MYRIP: variants seen among roughly 807,000 people sequenced by gnomAD.
MYRIP encodes myosin VIIA and Rab interacting protein.
MYRIP carries 49 observed loss-of-function variants against 98.0 expected under a neutral mutation model. The observed-to-expected ratio is 0.50, with a 90% confidence interval of 0.40 to 0.63. The LOEUF (loss-of-function observed/expected upper bound fraction) is 0.63. Ranked by LOEUF, MYRIP falls within the 30% of genes least tolerant of loss-of-function variation. The pLI, the probability that MYRIP is intolerant of heterozygous loss-of-function variation, is 0.00. For synonymous variants in MYRIP, 404 were observed against 409.5 expected, an observed-to-expected ratio of 0.99 and a Z score of 0.16; for missense variants, 1,004 against 1,058.2, an observed-to-expected ratio of 0.95 and a Z score of 0.71.
At position 40,190,396 on chromosome 3, in the gene MYRIP, G is replaced by T. The variant is rs976204879; in HGVS notation, c.1598G>T (p.Gly533Val). ...AGGAGGTGGAGAAGAGCCCGACTGG[G>T]CTCAGAAGAGCCAAGCAAAGAACCA... ...RARRWRRARL[G>V]SEEPSKEPSS... Residue 533 changes from glycine to valine, a missense_variant, in exon 10 of 17, where the codon GGC becomes GTC. Gly to Val is a moderately radical substitution (Grantham distance 109). Transcript: ENST00000302541. The T allele has an allele frequency of 3.7e-6, 6 of 1,613,178 alleles. No homozygotes were observed. The Admixed American group carries it at 5.0e-5, about 13-fold the overall frequency.
chr3:40,037,387 A>G (rs539390999), intron 2 of MYRIP, among the ~76,000 whole-genome samples: 2 of 152,056 alleles, frequency 1.3e-5, no homozygotes, highest in African/African-American at 4.8e-5. Flanking sequence ...TCTATTTAGG[A>G]ATAGAGGGAG....
intron 1 of MYRIP, among the ~76,000 whole-genome samples, chr3:39,848,785 T>C (rs900433107): frequency 7.2e-5 from 11 of 152,188 alleles, no homozygotes; most frequent in Non-Finnish European, 1.2e-4. Context: ...TGCACAAAAC[T>C]TGGAATTTTC....
At chr3:39,953,091 G>A (rs909332626) in intron 2 of MYRIP, among the ~76,000 whole-genome samples, 2 of 152,264 alleles carry the variant, frequency 1.3e-5, no homozygotes, top group Admixed American at 6.5e-5. Flanking sequence ...AGGTTTTACT[G>A]TTCTCTGTTC....
chr3:39,927,172 T>C (rs1338183158), intron 2 of MYRIP, among the ~76,000 whole-genome samples: 9 of 152,112 alleles, frequency 5.9e-5, no homozygotes, highest in Admixed American at 5.9e-4. Flanking sequence ...TGTGCGTTGA[T>C]TTTGTATCCT....
intron 3 of MYRIP, among the ~76,000 whole-genome samples, chr3:40,071,961 C>T (rs1948239975): frequency 6.6e-6 from 1 of 152,096 alleles, no homozygotes; most frequent in Non-Finnish European, 1.5e-5. Flanking sequence ...AAATGAGGGC[C>T]AGACTCTCTG....
chr3:39,813,342 T>G (rs79040708), intron 1 of MYRIP, among the ~76,000 whole-genome samples: 2,437 of 152,276 alleles, frequency 0.016, 59 homozygotes, highest in African/African-American at 0.055. Flanking sequence ...CCTTCTCCCA[T>G]CCATCACCTT....
At chr3:40,055,183 T>C (rs1270166426) in intron 3 of MYRIP, among the ~76,000 whole-genome samples, 1 of 152,186 alleles carries the variant, frequency 6.6e-6, no homozygotes, top group African/African-American at 2.4e-5. Context: ...CTTTTTATCA[T>C]ATAATCAATC....
chr3:40,038,220 TTTC>T (rs2125826378), intron 2 of MYRIP, among the ~76,000 whole-genome samples: 1 of 152,228 alleles, frequency 6.6e-6, no homozygotes, highest in African/African-American at 2.4e-5. Context: ...AATAAAAAAA[TTTC>T]TTATTTAAAA....
At chr3:40,112,026 T>C (rs1020455939) in intron 3 of MYRIP, among the ~76,000 whole-genome samples, 1 of 152,138 alleles carries the variant, frequency 6.6e-6, no homozygotes, top group African/African-American at 2.4e-5. Flanking sequence ...TTACTTATTA[T>C]TAAGTATTGA....
intron 1 of MYRIP, among the ~76,000 whole-genome samples, chr3:39,815,585 A>C (rs1297965369): frequency 6.6e-6 from 1 of 152,008 alleles, no homozygotes; most frequent in Non-Finnish European, 1.5e-5. Context: ...CTAATTTTCT[A>C]TTTGGCATCT....
intron 2 of MYRIP, among the ~76,000 whole-genome samples, chr3:39,907,658 A>G (rs1943910560): frequency 1.3e-5 from 2 of 152,172 alleles, no homozygotes; most frequent in South Asian, 4.1e-4. Context: ...TATTTCTCAC[A>G]GCGACATAGC....
In MYRIP at chr3:40,042,843, C is replaced by T. The variant is rs374794366; in HGVS notation, c.111-1207C>T. 1.2e-4 allele frequency among the ~76,000 whole-genome samples: 18 copies of T among 152,240 alleles called. No individual in the cohort carries two copies. In the South Asian group the frequency reaches 1.7e-3, roughly 14 times the overall value. The stretch of plus-strand genomic sequence containing the variant: ...TGAAAATGCACTTAATAAACCTAAC[C>T]TACTGAACATCACAGCTTAGCCCAG... On this transcript the variant is annotated intron_variant, in intron 2 of 16. Transcript: ENST00000302541.
intron 2 of MYRIP, among the ~76,000 whole-genome samples, chr3:39,962,513 A>C (rs1945347531): frequency 6.6e-6 from 1 of 151,528 alleles, no homozygotes; most frequent in Non-Finnish European, 1.5e-5. Flanking sequence ...TATAAAGTTC[A>C]TTCTCATGTG....
intron 1 of MYRIP, among the ~76,000 whole-genome samples, chr3:39,845,903 A>G (rs1169079295): frequency 6.6e-6 from 1 of 151,878 alleles, no homozygotes; most frequent in East Asian, 1.9e-4. Context: ...CTGAAACTGA[A>G]TGAACAGGTA....
chr3:40,204,164 T>TATTATATAATATATAAATATATAATAC (rs1951717813), intron 10 of MYRIP, among the ~76,000 whole-genome samples: 2 of 28,204 alleles, frequency 7.1e-5, no homozygotes, highest in South Asian at 8.1e-4. Context: ...ATATATAATA[T>TATTATATAATATATAAATATATAATAC]AATATTTATA....
intron 2 of MYRIP, among the ~76,000 whole-genome samples, chr3:39,903,295 T>C (rs182792058): frequency 6.6e-6 from 1 of 152,384 alleles, no homozygotes; most frequent in African/African-American, 2.4e-5. Flanking sequence ...AACTGAACTT[T>C]GAAAGTATTT....
intron 1 of MYRIP, among the ~76,000 whole-genome samples, chr3:39,875,388 G>A (rs1942954859): frequency 6.6e-6 from 1 of 151,162 alleles, no homozygotes; most frequent in Non-Finnish European, 1.5e-5. Context: ...GCTAGCTTTT[G>A]AATGTGTTTG....
At chr3:40,019,720 C>T in intron 2 of MYRIP, among the ~76,000 whole-genome samples, 1 of 151,784 alleles carries the variant, frequency 6.6e-6, no homozygotes, top group Admixed American at 6.6e-5. Context: ...TCAATCCCCC[C>T]CCCGCTTTTT....
At chr3:39,839,012 G>A (rs1941713677) in intron 1 of MYRIP, among the ~76,000 whole-genome samples, 1 of 152,046 alleles carries the variant, frequency 6.6e-6, no homozygotes, top group Non-Finnish European at 1.5e-5. Context: ...GATGTGTATA[G>A]TATTCTCTGA....
Sources: gnomAD v4.1 joint callset for allele counts (sites outside exome capture counted in the v4.1 genomes callset) on GRCh38, gnomAD v4.1.1 for gene constraint, MANE v1.5 for transcripts, NCBI Gene and HGNC (gene_info 2026-07-23, HGNC 2026-07-21) for gene names.